The following CCDC7 variants were observed in gnomAD, a reference collection of about 807,000 sequenced individuals.
CCDC7 encodes the protein coiled-coil domain containing 7.
Under a neutral mutation model 196.9 loss-of-function variants are expected in CCDC7, and 183 were observed. The ratio of observed to expected loss-of-function variants is 0.93; its 90% CI spans 0.82 to 1.05. The LOEUF (loss-of-function observed/expected upper bound fraction) is 1.05, where lower values mean the gene tolerates loss of function less well. Among genes scored for constraint, CCDC7 ranks in the 50% least tolerant of loss-of-function variants. The pLI is 0.00. For missense variants in CCDC7, 1,540 were observed against 1,482.2 expected, an observed-to-expected ratio of 1.04 and a Z score of -0.64; for synonymous variants, 525 against 484.6, an observed-to-expected ratio of 1.08 and a Z score of -1.10.
chr10:32,566,860 A>T (rs1231599724), intron 14 of CCDC7, among the ~76,000 whole-genome samples: 1 of 145,308 alleles, frequency 6.9e-6, no homozygotes, highest in South Asian at 2.1e-4. Context: ...TTGCAAAAAA[A>T]CCCCGCAGAT....
intron 31 of CCDC7, among the ~76,000 whole-genome samples, chr10:32,815,266 G>A (rs911742982): frequency 6.6e-5 from 10 of 152,036 alleles, no homozygotes; most frequent in Non-Finnish European, 1.2e-4. Context: ...AGTCCTACAC[G>A]TTAGATTTAG....
rs2053574540 is a variant in CCDC7, at chr10:32,552,107, T to A, written c.1134+7806T>A. ...GTGTTAGGTGCATAAATGTTTAGGATTGTGATATTTTCCTGTTGGACAAGG... is the reference window on the plus strand; with the variant it reads ...GTGTTAGGTGCATAAATGTTTAGGAATGTGATATTTTCCTGTTGGACAAGG... On this transcript the variant is annotated intron_variant, in intron 13 of 41. Coordinates refer to ENST00000639629, the Ensembl canonical transcript of CCDC7. Among the ~76,000 whole-genome samples, 3 of 152,206 alleles carry A rather than the reference T, an allele frequency of 2.0e-5. No homozygotes were observed. The South Asian group carries it at 6.2e-4, about 32-fold the overall frequency.
intron 41 of CCDC7, among the ~76,000 whole-genome samples, chr10:32,859,007 A>G (rs1184546786): frequency 6.6e-6 from 1 of 152,186 alleles, no homozygotes; most frequent in Admixed American, 6.5e-5. Context: ...TAGACAGATC[A>G]ATAAGACAGA....
At chr10:32,757,850 C>A (rs1025833669) in intron 28 of CCDC7, among the ~76,000 whole-genome samples, 6 of 152,092 alleles carry the variant, frequency 3.9e-5, no homozygotes, top group African/African-American at 1.4e-4. Flanking sequence ...AATTGATAGA[C>A]CACTAGCAAG....
chr10:32,503,397 T>G (rs2135037838), intron 9 of CCDC7, among the ~76,000 whole-genome samples: 1 of 152,322 alleles, frequency 6.6e-6, no homozygotes, highest in East Asian at 1.9e-4. Flanking sequence ...CATCTTATGA[T>G]CATATGGTTT....
chr10:32,805,172 A>C, intron 30 of CCDC7, 74 bp downstream of exon 31: 1 of 1,019,908 alleles, frequency 9.8e-7, no homozygotes, highest in Non-Finnish European at 1.5e-6. Context: ...TATCCTTAAT[A>C]GCAATGGTGC....
chr10:32,524,186 C>T (rs112255834), intron 11 of CCDC7, among the ~76,000 whole-genome samples: 24 of 151,524 alleles, frequency 1.6e-4, no homozygotes, highest in African/African-American at 5.8e-4. Context: ...ATGAGGCTTG[C>T]AAGTACTATC....
chr10:32,865,306 C>T (rs560243075), intron 41 of CCDC7, among the ~76,000 whole-genome samples: 1 of 151,426 alleles, frequency 6.6e-6, no homozygotes, highest in East Asian at 2.0e-4. Flanking sequence ...AGAAGGTATA[C>T]AAAGGACACA....
chr10:32,679,963 A>G (rs891043849), intron 21 of CCDC7, among the ~76,000 whole-genome samples: 13 of 152,212 alleles, frequency 8.5e-5, no homozygotes, highest in Non-Finnish European at 1.8e-4. Context: ...ACTCTAGACA[A>G]TAGCTTCTAT....
At chr10:32,487,430 A>G (rs1361474898) in intron 8 of CCDC7, among the ~76,000 whole-genome samples, 3 of 152,052 alleles carry the variant, frequency 2.0e-5, no homozygotes, top group Non-Finnish European at 4.4e-5. Flanking sequence ...ATGGGTTTGA[A>G]CTTCCTTTTT....
intron 28 of CCDC7, among the ~76,000 whole-genome samples, chr10:32,756,480 G>T (rs543114766): frequency 1.3e-5 from 2 of 152,264 alleles, no homozygotes; most frequent in Admixed American, 1.3e-4. Context: ...TTTCAACCCA[G>T]AATTTCATAT....
intron 20 of CCDC7, among the ~76,000 whole-genome samples, chr10:32,644,567 T>C (rs998550941): frequency 1.3e-5 from 2 of 152,208 alleles, no homozygotes; most frequent in Non-Finnish European, 2.9e-5. Context: ...TTGGCTATGT[T>C]CCCACCCAAA....
At chr10:32,682,097 G>A (rs1311050277) in intron 21 of CCDC7, among the ~76,000 whole-genome samples, 3 of 152,032 alleles carry the variant, frequency 2.0e-5, no homozygotes, top group African/African-American at 7.2e-5. Flanking sequence ...GCTGGAGTTC[G>A]ATGTACAAAT....
At chr10:32,571,703 A>G (rs1470589988) in intron 15 of CCDC7, among the ~76,000 whole-genome samples, 156 bp from the exon 17 acceptor site, 2 of 152,150 alleles carry the variant, frequency 1.3e-5, no homozygotes, top group African/African-American at 2.4e-5. Flanking sequence ...TGTCTCTTCC[A>G]ATGCTAAAAT....
chr10:32,712,985 G>T (rs2081059736), intron 25 of CCDC7, among the ~76,000 whole-genome samples: 1 of 152,174 alleles, frequency 6.6e-6, no homozygotes, highest in Admixed American at 6.5e-5. Flanking sequence ...TGTTAATACT[G>T]GTTTTGGTAG....
chr10:32,758,191 T>C (rs1195939359), intron 28 of CCDC7, among the ~76,000 whole-genome samples: 3 of 152,084 alleles, frequency 2.0e-5, no homozygotes, highest in African/African-American at 7.2e-5. Flanking sequence ...GCTGGGACCA[T>C]TCCTTCTGAA....
chr10:32,617,976 C>G (rs1455326280), intron 18 of CCDC7, among the ~76,000 whole-genome samples: 2 of 151,894 alleles, frequency 1.3e-5, no homozygotes, highest in Non-Finnish European at 2.9e-5. Flanking sequence ...ATCTCTTTAT[C>G]ATTATATAAT....
chr10:32,620,186 A>G (rs1762547), intron 18 of CCDC7, among the ~76,000 whole-genome samples: 140,418 of 151,994 alleles, frequency 0.92, 65,824 homozygotes, highest in East Asian at 1. Context: ...ACCTCCCAAC[A>G]TGCTGGGATT....
At chr10:32,757,584 G>A (rs1273942763) in intron 28 of CCDC7, among the ~76,000 whole-genome samples, 1 of 152,164 alleles carries the variant, frequency 6.6e-6, no homozygotes, top group Non-Finnish European at 1.5e-5. Flanking sequence ...ACCAGAATCT[G>A]TGGGACACAT....
Sources: gnomAD v4.1 joint callset for allele counts (sites outside exome capture counted in the v4.1 genomes callset) on GRCh38, gnomAD v4.1.1 for gene constraint, MANE v1.5 for transcripts, NCBI Gene and HGNC (gene_info 2026-07-23, HGNC 2026-07-21) for gene names.